The following LUZP2 variants were observed in gnomAD, a reference collection of about 807,000 sequenced individuals.
The protein encoded by LUZP2 is leucine zipper protein 2.
In LUZP2, 52 loss-of-function variants were observed where a neutral mutation model predicts 51.6. That is an observed-to-expected ratio of 1.01 (90% CI 0.81 to 1.27). The LOEUF is 1.27. LUZP2 is among the 50% of genes most tolerant of loss of function. LUZP2 has a pLI of 0.00. For missense variants in LUZP2, 436 were observed against 395.4 expected (o/e 1.10, Z -0.87); for synonymous variants, 154 against 137.3 (o/e 1.12, Z -0.85).
intron 1 of LUZP2, among the ~76,000 whole-genome samples, chr11:24,621,699 G>A (rs923209283): frequency 6.6e-6 from 1 of 152,094 alleles, no homozygotes; most frequent in African/African-American, 2.4e-5. Flanking sequence ...AGCATTTTAT[G>A]ATGCTCATTA....
At chr11:24,588,538 A>G (rs544149217) in intron 1 of LUZP2, among the ~76,000 whole-genome samples, 1 of 152,252 alleles carries the variant, frequency 6.6e-6, no homozygotes, top group African/African-American at 2.4e-5. Flanking sequence ...ATGACCTTGG[A>G]TAAAACATTT....
intron 9 of LUZP2, among the ~76,000 whole-genome samples, chr11:25,046,527 G>T (rs1045572469): frequency 6.6e-6 from 1 of 151,932 alleles, no homozygotes; most frequent in Non-Finnish European, 1.5e-5. Context: ...AATAAATGAT[G>T]AAAAGGAAAG....
chr11:24,992,623 A>G (rs1285585500), intron 9 of LUZP2, among the ~76,000 whole-genome samples: 5 of 152,184 alleles, frequency 3.3e-5, no homozygotes, highest in Non-Finnish European at 5.9e-5. Flanking sequence ...TTAAAAGGAC[A>G]TGTCAGAGTT....
intron 9 of LUZP2, among the ~76,000 whole-genome samples, chr11:25,037,449 T>G (rs1857901794): frequency 6.6e-6 from 1 of 152,150 alleles, no homozygotes; most frequent in Admixed American, 6.6e-5. Context: ...TTTAGCCCAT[T>G]TACATTCAAG....
intron 1 of LUZP2, among the ~76,000 whole-genome samples, chr11:24,684,057 G>C (rs1206178483): frequency 6.6e-6 from 1 of 151,640 alleles, no homozygotes; most frequent in Non-Finnish European, 1.5e-5. Flanking sequence ...CCTCTCCTTT[G>C]TTCTCCTCCC....
intron 1 of LUZP2, among the ~76,000 whole-genome samples, chr11:24,691,851 G>A (rs1395756419): frequency 6.6e-6 from 1 of 151,926 alleles, no homozygotes; most frequent in Non-Finnish European, 1.5e-5. Flanking sequence ...TTTTACTCAT[G>A]TATTTTTTGT....
intron 9 of LUZP2, among the ~76,000 whole-genome samples, chr11:24,996,360 A>C (rs1249611816): frequency 6.6e-6 from 1 of 151,368 alleles, no homozygotes; most frequent in East Asian, 1.9e-4. Context: ...TTCAACTCTC[A>C]AGGCATGTTT....
At chr11:24,521,955 T>C (rs927358556) in intron 1 of LUZP2, among the ~76,000 whole-genome samples, 1 of 152,124 alleles carries the variant, frequency 6.6e-6, no homozygotes, top group Non-Finnish European at 1.5e-5. Flanking sequence ...CCTGGAAATA[T>C]ATATATATAT....
In LUZP2 at chr11:25,078,617, A is replaced by G. The variant is rs1359467396; in HGVS notation, c.1000A>G (p.Ser334Gly). Residue 334 changes from serine (S) to glycine (G), a missense_variant, in exon 12 of 12, where the codon AGC (serine) becomes GGC (glycine). Coordinates refer to ENST00000336930, the MANE Select transcript of LUZP2 (RefSeq NM_001009909.4). ...VKKAPEKPLT[S>G]FEGMAAREEK... is the part of the protein sequence containing the mutation. ...AAAAGCCCCAGAAAAACCATTGACC[A>G]GCTTTGAAGGGATGGCAGCTAGAGA... The G allele has an allele frequency of 6.2e-7, 1 of 1,610,600 alleles. No individual in the cohort carries two copies. Among genetic ancestry groups the G allele is most frequent in the Non-Finnish European group, 8.5e-7 (1 of 1,179,306 alleles).
intron 5 of LUZP2, among the ~76,000 whole-genome samples, chr11:24,782,316 G>A (rs1334209557): frequency 6.6e-6 from 1 of 151,974 alleles, no homozygotes; most frequent in Non-Finnish European, 1.5e-5. Context: ...TCTATATTGG[G>A]CCTCATGCAC....
intron 1 of LUZP2, among the ~76,000 whole-genome samples, chr11:24,727,792 G>A (rs1294361493): frequency 6.6e-6 from 1 of 151,772 alleles, no homozygotes; most frequent in Admixed American, 6.6e-5. Flanking sequence ...GGGCCATTCC[G>A]ATTTCCTTTT....
chr11:24,511,766 T>A (rs1850318061), intron 1 of LUZP2, among the ~76,000 whole-genome samples: 1 of 152,308 alleles, frequency 6.6e-6, no homozygotes, highest in East Asian at 1.9e-4. Context: ...TTCATACCTT[T>A]TGCTTTGTTG....
intron 5 of LUZP2, among the ~76,000 whole-genome samples, chr11:24,897,012 A>C (rs1291895495): frequency 1.3e-5 from 2 of 151,986 alleles, no homozygotes; most frequent in Non-Finnish European, 2.9e-5. Context: ...AAGGTGTGTA[A>C]ACGCACCAAT....
At chr11:24,821,968 G>T (rs965240141) in intron 5 of LUZP2, among the ~76,000 whole-genome samples, 1 of 150,212 alleles carries the variant, frequency 6.7e-6, no homozygotes, top group South Asian at 2.1e-4. Context: ...TTCATAACCT[G>T]GTATAATGGT....
rs117223905 is a variant in LUZP2, at chr11:24,745,110, A to T, written c.333+6808A>T. 7.6e-3 allele frequency among the ~76,000 whole-genome samples: 1,152 copies of T among 152,114 alleles called. 30 individuals are homozygous for T. In the East Asian group the frequency reaches 0.098, roughly 13 times the overall value. Reference sequence around the variant, plus strand: ...TTTCAATTTGTTTAAACTTATTGAGACTTGTTTTATGGCCTGTCATATGGT... The same window carrying T: ...TTTCAATTTGTTTAAACTTATTGAGTCTTGTTTTATGGCCTGTCATATGGT... On this transcript the variant is annotated intron_variant, in intron 4 of 11. Transcript: ENST00000336930.
intron 9 of LUZP2, among the ~76,000 whole-genome samples, chr11:24,988,492 G>A (rs887587029): frequency 1.3e-5 from 2 of 151,970 alleles, no homozygotes; most frequent in Non-Finnish European, 2.9e-5. Flanking sequence ...CACAGCCAAT[G>A]TTCTTGTTAC....
chr11:24,730,394 A>G (rs1384045937), intron 2 of LUZP2, among the ~76,000 whole-genome samples: 1 of 120,030 alleles, frequency 8.3e-6, no homozygotes, highest in African/African-American at 3.6e-5. Flanking sequence ...TATGGAGAAG[A>G]TGGAAACGAG....
intron 10 of LUZP2, among the ~76,000 whole-genome samples, chr11:25,074,756 A>T (rs1351009648): frequency 6.6e-6 from 1 of 152,182 alleles, no homozygotes. Context: ...TTAAAAATGC[A>T]AACCCCATAT....
chr11:24,861,455 T>C (rs189344870), intron 5 of LUZP2, among the ~76,000 whole-genome samples: 3 of 152,144 alleles, frequency 2.0e-5, no homozygotes, highest in African/African-American at 7.2e-5. Flanking sequence ...CAGGAGAACT[T>C]CCCCAACCTA....
Sources: gnomAD v4.1 joint callset for allele counts (sites outside exome capture counted in the v4.1 genomes callset) on GRCh38, gnomAD v4.1.1 for gene constraint, MANE v1.5 for transcripts, NCBI Gene and HGNC (gene_info 2026-07-23, HGNC 2026-07-21) for gene names.